Variants in SYNJ2 observed in about 807,000 individuals in gnomAD.
SYNJ2 encodes the protein polyphosphatidylinositol phosphatase SYNJ2.
In SYNJ2, 116 loss-of-function variants were observed where a neutral mutation model predicts 141.3. The observed-to-expected ratio is 0.82, with a 90% CI of 0.71 to 0.96. SYNJ2 has a LOEUF of 0.96. Among genes scored for constraint, SYNJ2 ranks in the 40% least tolerant of loss-of-function variants. The pLI, the probability that SYNJ2 is intolerant of heterozygous loss-of-function variation, is 0.00. For synonymous variants in SYNJ2, 745 were observed against 777.7 expected (o/e 0.96, Z 0.70); for missense variants, 1,873 against 1,934.8 (o/e 0.97, Z 0.60).
At position 158,043,330 on chromosome 6, in the gene SYNJ2, C is replaced by G. The variant is rs775280662; in HGVS notation, c.726C>G (p.Asp242Glu). The change falls in exon 5 of 27, where the codon GAC becomes GAG. Residue 242 changes from aspartate (D) to glutamate (E), a missense_variant. Physicochemically the swap from Asp to Glu is conservative, Grantham distance 45. Transcript: ENST00000355585. The surrounding 1 kb of genome is among the most constrained non-coding windows in gnomAD (Gnocchi z 4.0). ...FVETEQMIYM[D>E]DGVSSFVQIR... The stretch of plus-strand genomic sequence containing the variant: ...TTGTGCCGCAGATGATTTACATGGA[C>G]GATGGAGTGTCATCTTTTGTCCAGA... 1.1e-5 allele frequency: 18 copies of G among 1,613,962 alleles called. No homozygotes were observed. The South Asian group carries it at 2.0e-4, about 18-fold the overall frequency.
chr6:158,015,457 C>T (rs1305162962), intron 1 of SYNJ2, among the ~76,000 whole-genome samples: 1 of 152,178 alleles, frequency 6.6e-6, no homozygotes, highest in African/African-American at 2.4e-5. Context: ...GATTAGTTTT[C>T]TTGGGTGGGG....
chr6:158,001,665 TG>T (rs1035695982), intron 1 of SYNJ2: 1 of 152,492 alleles, frequency 6.6e-6, no homozygotes, highest in Non-Finnish European at 1.5e-5. Flanking sequence ...CCCAAAGTGC[TG>T]GGATTACAGG....
intron 5 of SYNJ2, among the ~76,000 whole-genome samples, 169 bp from the exon 6 acceptor site, chr6:158,054,798 A>G (rs1780775033): frequency 6.6e-6 from 1 of 152,236 alleles, no homozygotes; most frequent in South Asian, 2.1e-4. Flanking sequence ...GAGCACTGTT[A>G]GCTGAATCCA....
chr6:158,077,522 C>T (rs1010221707), intron 17 of SYNJ2, among the ~76,000 whole-genome samples: 2 of 151,840 alleles, frequency 1.3e-5, no homozygotes, highest in African/African-American at 4.8e-5. Flanking sequence ...AAATTGGACA[C>T]GAGCAAGACA....
At chr6:158,051,558 C>T (rs773372873) in intron 5 of SYNJ2, among the ~76,000 whole-genome samples, 6 of 151,980 alleles carry the variant, frequency 3.9e-5, no homozygotes, top group Non-Finnish European at 5.9e-5. Flanking sequence ...GCTCCATTAG[C>T]CAACAGCCAA....
At position 158,069,761 on chromosome 6, in the gene SYNJ2, C is replaced by T. The variant is rs991325729; in HGVS notation, c.1940+88C>T. On this transcript the variant is annotated intron_variant, in intron 14 of 26. Transcript: ENST00000355585. ...CTTTGACTTCCCCCTCCTCCCCCAT[C>T]CCCTTCTGTAACAGGAATCGGGACT... 5 of 1,425,964 alleles carry T rather than the reference C, an allele frequency of 3.5e-6. No homozygotes were observed. In the African/African-American group the frequency reaches 7.1e-5, roughly 20 times the overall value. The allele number at this position is 1,425,964 out of a possible 1,614,324, so 88.3% of individuals were successfully genotyped here.
chr6:158,010,855 A>C (rs6933203), intron 1 of SYNJ2, among the ~76,000 whole-genome samples: 89,074 of 146,728 alleles, frequency 0.61, 26,972 homozygotes, highest in Middle Eastern at 0.75. Flanking sequence ...CAACAGGGGG[A>C]TGTCAGGAGA....
At chr6:158,057,093 ATCAGGGTGTGCTGAACTCTTGGTCCC>A (rs1780913465) in intron 6 of SYNJ2, among the ~76,000 whole-genome samples, 1 of 152,100 alleles carries the variant, frequency 6.6e-6, no homozygotes, top group Admixed American at 6.5e-5. Flanking sequence ...TGCTGTGCAC[ATCAGGGTGTGCTGAACTCTTGGTCCC>A]TCCCTGAAGA....
chr6:158,085,284 G>A (rs1165591218), intron 22 of SYNJ2, among the ~76,000 whole-genome samples: 3 of 152,100 alleles, frequency 2.0e-5, no homozygotes, highest in South Asian at 2.1e-4. Flanking sequence ...GCCTTCCAAA[G>A]TGCTGGAATT....
intron 9 of SYNJ2, 120 bp from the exon 10 acceptor site, chr6:158,064,481 G>T: frequency 7.9e-7 from 1 of 1,264,484 alleles, no homozygotes; most frequent in Non-Finnish European, 1.1e-6. Context: ...CTCTGGAGGG[G>T]CACAGAGTCT....
rs79015577 is a variant in SYNJ2 at position 158,065,530 on chromosome 6, G to T, written c.1525+539G>T. ...AGGTTCCTTTGGGAGCATTTTAATG[G>T]CATCTTCTTACCTGAGCCTGTAAAC... On this transcript the variant is annotated intron_variant, in intron 11 of 26. Transcript: ENST00000355585. 4.6e-5 allele frequency among the ~76,000 whole-genome samples: 7 copies of T among 152,310 alleles called. No homozygotes were observed. In the East Asian group the frequency reaches 1.3e-3, roughly 29 times the overall value.
intron 18 of SYNJ2, chr6:158,079,232 T>C (rs2128386236): frequency 6.6e-6 from 1 of 152,224 alleles, no homozygotes; most frequent in East Asian, 1.9e-4. Context: ...AGAATGTCTT[T>C]AAAGACAGAG....
chr6:158,040,351 G>T lies in SYNJ2; in HGVS notation c.712-2965G>T, dbSNP rs1223949290. On this transcript the variant is annotated intron_variant, in intron 4 of 26. Transcript: ENST00000355585. This position sits in a 1 kb window ranked among gnomAD's most constrained non-coding sequence, Gnocchi z 4.2. ...TATGTGTTGTATACACACATGTGTG[G>T]GTTGTGTATGTGTTGTGTGTCTGCA... Among the ~76,000 whole-genome samples the T allele has an allele frequency of 6.6e-6, 1 of 152,066 alleles. No individual in the cohort carries two copies. The highest frequency in any genetic ancestry group is 1.5e-5 in the Non-Finnish European group (1 of 68,002).
In SYNJ2 at chr6:158,084,004, A is replaced by G. The variant is rs1181499830; in HGVS notation, c.3038A>G (p.Asp1013Gly). The change falls in exon 22 of 27, where the codon GAT (aspartate) becomes GGT (glycine). Residue 1013 changes from aspartate (D) to glycine (G), a missense_variant. Asp to Gly is a moderately conservative substitution (Grantham distance 94, BLOSUM62 -1). Coordinates refer to ENST00000355585, the MANE Select transcript of SYNJ2 (RefSeq NM_003898.4). This position sits in a 1 kb window ranked among gnomAD's most constrained non-coding sequence, Gnocchi z 5.0. ...FTSLDYESEG[D>G]ILEDDEDYLV... is the part of the protein sequence containing the mutation. ...GTGATTCATTTCCTTCTCCCAGGGG[A>G]TATTCTTGAAGACGATGAAGACTAC... 2 of 1,613,918 alleles carry G rather than the reference A, an allele frequency of 1.2e-6. No individual in the cohort carries two copies. Among genetic ancestry groups the G allele is most frequent in the Non-Finnish European group, 1.7e-6 (2 of 1,179,944 alleles).
Position 158,081,342 on chromosome 6 carries a change from G to A in SYNJ2, c.2786+15G>A. On this transcript the variant is annotated intron_variant, in intron 19 of 26. Transcript: ENST00000355585. ...GTTCTTGTCAGGTAACTGCTCCCCTGGCTGATGTGGGTTCCAGGGGATGTC... is the reference window on the plus strand; with the variant it reads ...GTTCTTGTCAGGTAACTGCTCCCCTAGCTGATGTGGGTTCCAGGGGATGTC... The A allele has an allele frequency of 1.2e-6, 2 of 1,614,018 alleles. No homozygotes were observed. The highest frequency in any genetic ancestry group is 1.7e-6 in the Non-Finnish European group (2 of 1,179,904).
chr6:158,059,451 C>A (rs764593833), intron 7 of SYNJ2, 98 bp downstream of exon 7: 1 of 1,508,324 alleles, frequency 6.6e-7, no homozygotes, highest in African/African-American at 1.4e-5. Flanking sequence ...CTGGAGCTGA[C>A]AGCCCAGCCC....
chr6:158,094,062 C>G (rs1783645120), intron 26 of SYNJ2: 2 of 753,736 alleles, frequency 2.7e-6, no homozygotes. Context: ...GTCATCACAG[C>G]ACGATGCTGC....
intron 15 of SYNJ2, among the ~76,000 whole-genome samples, chr6:158,072,794 G>GC (rs1382636292): frequency 6.6e-6 from 1 of 151,890 alleles, no homozygotes; most frequent in African/African-American, 2.4e-5. Context: ...TTGGGGCCAG[G>GC]CACAGTGGCT....
chr6:158,068,241 CGCTGACAGAGGCCATGTCCTCCTA>C (rs1257235218), intron 12 of SYNJ2, among the ~76,000 whole-genome samples: 3 of 151,978 alleles, frequency 2.0e-5, no homozygotes, highest in Non-Finnish European at 4.4e-5. Flanking sequence ...CCTGGCCTCT[CGCTGACAGAGGCCATGTCCTCCTA>C]GCTGGACCCT....
Sources: allele counts gnomAD v4.1 joint callset (sites outside exome capture counted in the v4.1 genomes callset), GRCh38; gene constraint gnomAD v4.1.1; non-coding constraint Gnocchi (gnomAD v3.1); transcripts MANE v1.5; gene names NCBI Gene and HGNC (gene_info 2026-07-23, HGNC 2026-07-21).